CRTC3: variants seen among roughly 807,000 people sequenced by gnomAD.
The protein encoded by CRTC3 is CREB regulated transcription coactivator 3.
Under a neutral mutation model 74.5 loss-of-function variants are expected in CRTC3, and 26 were observed. That is an observed-to-expected ratio of 0.35 (90% CI 0.26 to 0.48). CRTC3 has a LOEUF of 0.48. Ranked by LOEUF, CRTC3 falls within the 20% of genes least tolerant of loss-of-function variation. The probability of loss-of-function intolerance (pLI) is 0.99; values close to 1 mark genes in which losing one functional copy is unlikely to be tolerated. For synonymous variants in CRTC3, 377 were observed against 325.8 expected (o/e 1.16, Z -1.69); for missense variants, 760 against 787.3 (o/e 0.97, Z 0.41).
chr15:90,592,599 G>A (rs960792536), intron 2 of CRTC3, among the ~76,000 whole-genome samples: 1 of 152,192 alleles, frequency 6.6e-6, no homozygotes, highest in Non-Finnish European at 1.5e-5. Context: ...TATTGACCAT[G>A]AATTTATCTA....
chr15:90,586,477 C>T (rs752640390), intron 2 of CRTC3, among the ~76,000 whole-genome samples: 15 of 144,428 alleles, frequency 1.0e-4, no homozygotes, highest in South Asian at 8.8e-4. Context: ...AGCAATTCTT[C>T]TGCCTTAGCC....
At position 90,540,026 on chromosome 15, in the gene CRTC3, A is replaced by G; in HGVS notation, c.133-13A>G. The G allele has an allele frequency of 6.3e-7, 1 of 1,585,782 alleles. No homozygotes were observed. Among genetic ancestry groups the G allele is most frequent in the Non-Finnish European group, 8.7e-7 (1 of 1,154,536 alleles). The stretch of plus-strand genomic sequence containing the variant: ...TGTTACCTCTCAGCGTTCTTAAATC[A>G]CTTTGTTTCCAGGTTCAATTTCAGA... On this transcript the variant is annotated splice_polypyrimidine_tract_variant and intron_variant, in intron 1 of 14. Coordinates refer to ENST00000268184, the MANE Select transcript of CRTC3 (RefSeq NM_022769.5).
chr15:90,580,995 G>C (rs557695494), intron 2 of CRTC3, among the ~76,000 whole-genome samples: 4 of 152,234 alleles, frequency 2.6e-5, no homozygotes, highest in Non-Finnish European at 5.9e-5. Flanking sequence ...ATTCTCCCAA[G>C]AGATAGTGAA....
intron 2 of CRTC3, among the ~76,000 whole-genome samples, chr15:90,590,096 G>A (rs1328003067): frequency 6.6e-6 from 1 of 151,948 alleles, no homozygotes; most frequent in African/African-American, 2.4e-5. Flanking sequence ...TTCGAGACCA[G>A]TCTGGCCAAC....
At chr15:90,621,908 T>G (rs1968664472) in intron 9 of CRTC3, among the ~76,000 whole-genome samples, 1 of 152,244 alleles carries the variant, frequency 6.6e-6, no homozygotes, top group Non-Finnish European at 1.5e-5. Flanking sequence ...ATCAAGTTCC[T>G]GCTTTCGAGG....
At chr15:90,552,512 ATGGGCAG>A (rs1438322407) in intron 2 of CRTC3, among the ~76,000 whole-genome samples, 1 of 150,846 alleles carries the variant, frequency 6.6e-6, no homozygotes, top group Admixed American at 6.7e-5. Flanking sequence ...CTCCTGGAGT[ATGGGCAG>A]TGACTTGTGG....
chr15:90,581,298 A>C (rs1381839291), intron 2 of CRTC3, among the ~76,000 whole-genome samples: 1 of 152,248 alleles, frequency 6.6e-6, no homozygotes, highest in Non-Finnish European at 1.5e-5. Context: ...TTAAATAAAA[A>C]ACAGGATGTA....
chr15:90,537,606 G>A (rs866717580), intron 1 of CRTC3, among the ~76,000 whole-genome samples: 1 of 152,104 alleles, frequency 6.6e-6, no homozygotes, highest in African/African-American at 2.4e-5. Context: ...GGATGGTCTC[G>A]ATCTCCTGAC....
At chr15:90,637,806 C>G (rs1467194833) in intron 11 of CRTC3, 1 of 152,488 alleles carries the variant, frequency 6.6e-6, no homozygotes, top group Non-Finnish European at 1.5e-5. Context: ...CCTGCTGTCC[C>G]CAGTCCCAGA....
intron 8 of CRTC3, 57 bp from the exon 9 acceptor site, chr15:90,619,683 CA>C: frequency 6.6e-7 from 1 of 1,518,160 alleles, no homozygotes; most frequent in South Asian, 1.1e-5. Flanking sequence ...AGACACTTTT[CA>C]AAAACTTGAA....
At chr15:90,577,279 G>A (rs1208219213) in intron 2 of CRTC3, among the ~76,000 whole-genome samples, 1 of 152,188 alleles carries the variant, frequency 6.6e-6, no homozygotes, top group Non-Finnish European at 1.5e-5. Flanking sequence ...AGAGGAGGAA[G>A]CAGTCTGTGA....
At chr15:90,592,355 T>C (rs759384242) in intron 2 of CRTC3, among the ~76,000 whole-genome samples, 7 of 152,196 alleles carry the variant, frequency 4.6e-5, no homozygotes, top group Non-Finnish European at 1.0e-4. Context: ...ATATATACAA[T>C]TTTTCTTTGT....
intron 13 of CRTC3, among the ~76,000 whole-genome samples, chr15:90,639,973 C>T (rs1194031661): frequency 4.6e-5 from 7 of 151,870 alleles, no homozygotes; most frequent in East Asian, 3.9e-4. Flanking sequence ...GGCGTGAAGC[C>T]GGGAGGCGGA....
intron 10 of CRTC3, among the ~76,000 whole-genome samples, chr15:90,626,424 G>A (rs1968835780): frequency 6.6e-6 from 1 of 152,178 alleles, no homozygotes; most frequent in Admixed American, 6.5e-5. Context: ...CAGTGGATAT[G>A]ATGAAAATAT....
chr15:90,585,458 AAT>A (rs970972417), intron 2 of CRTC3, among the ~76,000 whole-genome samples: 10 of 114,360 alleles, frequency 8.7e-5, no homozygotes, highest in Non-Finnish European at 1.3e-4. Context: ...AAAATTCCTT[AAT>A]ATTTTTTTTT....
chr15:90,534,898 G>A (rs1296792500), intron 1 of CRTC3, among the ~76,000 whole-genome samples: 5 of 152,122 alleles, frequency 3.3e-5, no homozygotes, highest in Admixed American at 6.5e-5. Flanking sequence ...GGTGGCTCAC[G>A]CCTGTAATCC....
Position 90,552,261 on chromosome 15 carries a change from C to T in CRTC3, c.231+12124C>T, listed in dbSNP as rs76097013. Among the ~76,000 whole-genome samples, 77 of 152,302 alleles carry T rather than the reference C, an allele frequency of 5.1e-4. 1 individual carries two copies. The East Asian group carries it at 0.012, about 23-fold the overall frequency. On this transcript the variant is annotated intron_variant, in intron 2 of 14. Coordinates refer to ENST00000268184, the MANE Select transcript of CRTC3 (RefSeq NM_022769.5). ...TGTCCAGTACTGCGGCCCGAGCAGC[C>T]GGCATCTGGCCACTGCCCCTCGGTG...
chr15:90,586,182 A>G (rs1055716214), intron 2 of CRTC3, among the ~76,000 whole-genome samples: 14 of 152,174 alleles, frequency 9.2e-5, no homozygotes, highest in African/African-American at 2.7e-4. Flanking sequence ...CATTGAAGCT[A>G]CTAAGAGTTG....
chr15:90,633,845 A>G (rs1213867744), intron 11 of CRTC3, among the ~76,000 whole-genome samples: 1 of 150,822 alleles, frequency 6.6e-6, no homozygotes, highest in East Asian at 2.0e-4. Context: ...AGATTGTCTC[A>G]GCTTTATCTT....
Sources: gnomAD v4.1 joint callset for allele counts (sites outside exome capture counted in the v4.1 genomes callset) on GRCh38, gnomAD v4.1.1 for gene constraint, MANE v1.5 for transcripts, NCBI Gene and HGNC (gene_info 2026-07-23, HGNC 2026-07-21) for gene names.